MMS22L: variants seen among roughly 807,000 people sequenced by gnomAD.
The protein encoded by MMS22L is protein MMS22-like.
In MMS22L, 74 loss-of-function variants were observed where a neutral mutation model predicts 159.1. The observed-to-expected ratio is 0.47, with a 90% CI of 0.39 to 0.56. The LOEUF (loss-of-function observed/expected upper bound fraction) is 0.56, where lower values mean the gene tolerates loss of function less well. Ranked by LOEUF, MMS22L falls within the 20% of genes least tolerant of loss-of-function variation. MMS22L has a pLI of 0.00. For synonymous variants in MMS22L, 517 were observed against 506.9 expected (o/e 1.02, Z -0.27); for missense variants, 1,351 against 1,422.1 (o/e 0.95, Z 0.80).
At position 97,147,017 on chromosome 6, in the gene MMS22L, C is replaced by T; in HGVS notation, c.3651-130G>A. 1.2e-5 allele frequency: 7 copies of T among 565,008 alleles called. No homozygotes were observed. The South Asian group carries it at 1.5e-4, about 12-fold the overall frequency. The allele number at this position is 565,008 out of a possible 1,614,324, so 35.0% of individuals were successfully genotyped here. The stretch of plus-strand genomic sequence containing the variant: ...TCAGCCATCCATCCAGCAGGCTTAG[C>T]ACAACACTTCTTAAAAAGTAATGCT... On this transcript the variant is annotated intron_variant, in intron 24 of 24. Coordinates refer to ENST00000683635, the MANE Select transcript of MMS22L (RefSeq NM_001350599.2).
chr6:97,148,945 C>T (rs1443506946), intron 24 of MMS22L, among the ~76,000 whole-genome samples: 1 of 152,058 alleles, frequency 6.6e-6, no homozygotes, highest in South Asian at 2.1e-4. Context: ...ATCTTTGCTA[C>T]CATATAATTA....
At chr6:97,228,775 C>T (rs1261153362) in intron 14 of MMS22L, 119 bp downstream of exon 14, 3 of 949,042 alleles carry the variant, frequency 3.2e-6, no homozygotes, top group Admixed American at 5.5e-5. Flanking sequence ...CTAAATCCTT[C>T]CTCTACATTT....
chr6:97,142,277 T>G lies in MMS22L; in HGVS notation c.*4529A>C, dbSNP rs1800677247. The G allele has an allele frequency of 6.6e-6, 1 of 152,262 alleles. No homozygotes were observed. Among genetic ancestry groups the G allele is most frequent in the African/African-American group, 2.4e-5 (1 of 41,430 alleles). The allele number at this position is 152,262 out of a possible 1,614,324, so 9.4% of individuals were successfully genotyped here. A position where few individuals can be genotyped will look rare whatever the true frequency, so the allele number is the denominator to read the frequency against. The stretch of plus-strand genomic sequence containing the variant: ...TTTTTCTAAAAGCACAATTCACAAA[T>G]GCAATGAATTGGATAGCCATTGGCA... On this transcript the variant is annotated 3_prime_UTR_variant, in exon 25 of 25. Transcript: ENST00000683635.
chr6:97,278,804 A>T (rs749012647), intron 4 of MMS22L, 45 bp downstream of exon 4: 1 of 1,538,620 alleles, frequency 6.5e-7, no homozygotes, highest in Non-Finnish European at 9.0e-7. Flanking sequence ...AACTCACTAT[A>T]ATGAAGCACC....
chr6:97,238,518 T>C (rs1811675249), intron 11 of MMS22L, among the ~76,000 whole-genome samples: 1 of 151,796 alleles, frequency 6.6e-6, no homozygotes, highest in Non-Finnish European at 1.5e-5. Flanking sequence ...CAAGGAGTAC[T>C]ACGCATCTCC....
At chr6:97,196,923 G>A (rs941668535) in intron 14 of MMS22L, among the ~76,000 whole-genome samples, 3 of 152,024 alleles carry the variant, frequency 2.0e-5, no homozygotes, top group East Asian at 1.9e-4. Context: ...ATGCTTAAGC[G>A]TTATCTTATG....
intron 14 of MMS22L, among the ~76,000 whole-genome samples, chr6:97,200,941 C>T (rs13217251): frequency 0.04 from 6,144 of 152,036 alleles, 138 homozygotes; most frequent in Middle Eastern, 0.071. Context: ...AAGACAGTAC[C>T]CATTGTTTGT....
At chr6:97,165,157 G>T in intron 21 of MMS22L, 89 bp downstream of exon 21, 1 of 1,104,890 alleles carries the variant, frequency 9.1e-7, no homozygotes. Flanking sequence ...GTATCCTAAG[G>T]GTTGCCAATA....
intron 19 of MMS22L, among the ~76,000 whole-genome samples, chr6:97,169,753 A>C (rs1372245315): frequency 6.6e-6 from 1 of 152,174 alleles, no homozygotes; most frequent in Non-Finnish European, 1.5e-5. Context: ...ATATTCTAAA[A>C]ACATTAATAT....
chr6:97,155,028 A>G (rs1360450103), intron 22 of MMS22L, among the ~76,000 whole-genome samples: 1 of 152,152 alleles, frequency 6.6e-6, no homozygotes, highest in African/African-American at 2.4e-5. Context: ...TTGCACAACT[A>G]TCTTTTCCCA....
chr6:97,154,176 A>C (rs1040380542), intron 22 of MMS22L, among the ~76,000 whole-genome samples: 1 of 152,112 alleles, frequency 6.6e-6, no homozygotes, highest in Non-Finnish European at 1.5e-5. Flanking sequence ...GTATGAAGTG[A>C]TATCTCGGGG....
chr6:97,187,418 T>A (rs1157315449), intron 14 of MMS22L, among the ~76,000 whole-genome samples: 1 of 152,198 alleles, frequency 6.6e-6, no homozygotes, highest in Non-Finnish European at 1.5e-5. Flanking sequence ...ATAAGAGATC[T>A]TCTTAGTGAT....
chr6:97,224,059 T>C (rs923989798), intron 14 of MMS22L, among the ~76,000 whole-genome samples: 9 of 152,172 alleles, frequency 5.9e-5, no homozygotes, highest in African/African-American at 2.2e-4. Context: ...AAACAGACAT[T>C]TGTGAAAGGA....
rs116571354 is a variant in MMS22L at position 97,225,335 on chromosome 6, C to G, written c.2039+3559G>C. 4.7e-3 allele frequency among the ~76,000 whole-genome samples: 718 copies of G among 151,948 alleles called. 3 individuals carry two copies. The highest frequency in any genetic ancestry group is 0.016 in the African/African-American group (680 of 41,460). On this transcript the variant is annotated intron_variant, in intron 14 of 24. Coordinates refer to ENST00000683635, the MANE Select transcript of MMS22L (RefSeq NM_001350599.2). Reference sequence around the variant, plus strand: ...TAATACGCCTATTACCAAGCTTCAACTGACATTGTTAACAAACTTCTGTGT... The same window carrying G: ...TAATACGCCTATTACCAAGCTTCAAGTGACATTGTTAACAAACTTCTGTGT...
chr6:97,279,541 T>C (rs1473688018), intron 3 of MMS22L, among the ~76,000 whole-genome samples: 1 of 151,180 alleles, frequency 6.6e-6, no homozygotes, highest in African/African-American at 2.4e-5. Context: ...TCCTAGCACT[T>C]TGGGAGGCCA....
chr6:97,249,129 G>A (rs1812970533), intron 10 of MMS22L, among the ~76,000 whole-genome samples: 2 of 152,142 alleles, frequency 1.3e-5, no homozygotes, highest in South Asian at 4.1e-4. Flanking sequence ...CAATTCAGTA[G>A]TCCACCCCTA....
chr6:97,281,084 C>A (rs141321710), intron 3 of MMS22L, among the ~76,000 whole-genome samples, 153 bp downstream of exon 3: 1 of 152,234 alleles, frequency 6.6e-6, no homozygotes, highest in Non-Finnish European at 1.5e-5. Context: ...TCAGGCATTG[C>A]TGCTTGATTA....
intron 7 of MMS22L, 109 bp downstream of exon 7, chr6:97,269,793 C>A: frequency 1.4e-6 from 1 of 730,456 alleles, no homozygotes; most frequent in South Asian, 2.4e-5. Context: ...ACTTTGTTTA[C>A]TATTTGATTT....
In MMS22L at chr6:97,178,545, T is replaced by A. The variant is rs545579369; in HGVS notation, c.2577A>T (p.Leu859Phe). The part of the protein sequence containing the change: ...YMKQLVKLTR[L>F]LFNLSEVKSI... ...TCTTTACTTCTGAGAGATTAAATAG[T>A]AATCTTGTCAGTTTGACCAACTGTT... Residue 859 changes from leucine to phenylalanine, a missense_variant, in exon 18 of 25, where the codon TTA becomes TTT. Coordinates refer to ENST00000683635, the MANE Select transcript of MMS22L (RefSeq NM_001350599.2). The A allele has an allele frequency of 2.6e-6, 4 of 1,567,464 alleles. No individual in the cohort carries two copies. The African/African-American group carries it at 5.4e-5, about 21-fold the overall frequency.
Sources: allele counts gnomAD v4.1 joint callset (sites outside exome capture counted in the v4.1 genomes callset), GRCh38; gene constraint gnomAD v4.1.1; transcripts MANE v1.5; gene names NCBI Gene and HGNC (gene_info 2026-07-23, HGNC 2026-07-21).